Variants in MARCHF1 observed in about 807,000 individuals in gnomAD.
MARCHF1 encodes the protein membrane associated ring-CH-type finger 1.
In MARCHF1, 40 loss-of-function variants were observed where a neutral mutation model predicts 54.2. The observed-to-expected ratio is 0.74, with a 90% confidence interval of 0.57 to 0.96. The LOEUF is 0.96. Ranked by LOEUF, MARCHF1 falls within the 40% of genes least tolerant of loss-of-function variation. MARCHF1 has a pLI of 0.00. For synonymous variants in MARCHF1, 236 were observed against 236.3 expected, an observed-to-expected ratio of 1.00 and a Z score of 0.01; for missense variants, 586 against 656.5, an observed-to-expected ratio of 0.89 and a Z score of 1.17.
chr4:163,571,243 T>G (rs10001689), intron 8 of MARCHF1, among the ~76,000 whole-genome samples: 64,975 of 151,876 alleles, frequency 0.43, 14,206 homozygotes, highest in East Asian at 0.54. Flanking sequence ...CCATACCACT[T>G]TCAAGTCTGT....
At chr4:163,822,407 A>C (rs944770090) in intron 4 of MARCHF1, among the ~76,000 whole-genome samples, 6 of 151,956 alleles carry the variant, frequency 3.9e-5, no homozygotes, top group African/African-American at 1.4e-4. Flanking sequence ...AGAAGTACTA[A>C]ATTTTAAGCC....
At chr4:163,716,355 T>C (rs567132029) in intron 4 of MARCHF1, among the ~76,000 whole-genome samples, 387 of 152,308 alleles carry the variant, frequency 2.5e-3, no homozygotes, top group Non-Finnish European at 4.4e-3. Context: ...GCAAATTGCC[T>C]CCTGAGTATA....
intron 2 of MARCHF1, among the ~76,000 whole-genome samples, chr4:164,033,949 A>C (rs1753936846): frequency 1.3e-5 from 2 of 152,188 alleles, no homozygotes; most frequent in African/African-American, 4.8e-5. Flanking sequence ...AATATAAATC[A>C]TTCTATTATC....
chr4:163,636,460 CAGAG>C (rs1314958662), intron 5 of MARCHF1, among the ~76,000 whole-genome samples: 4 of 146,772 alleles, frequency 2.7e-5, no homozygotes, highest in Non-Finnish European at 6.0e-5. Context: ...AACAGACAAA[CAGAG>C]AGCCAAATCA....
chr4:163,786,678 A>C (rs1000846379), intron 4 of MARCHF1, among the ~76,000 whole-genome samples: 1 of 151,970 alleles, frequency 6.6e-6, no homozygotes, highest in Non-Finnish European at 1.5e-5. Context: ...CAATCCACAG[A>C]TTCAATGCAA....
At chr4:163,822,720 C>A (rs867544983) in intron 4 of MARCHF1, among the ~76,000 whole-genome samples, 11 of 151,956 alleles carry the variant, frequency 7.2e-5, no homozygotes, top group African/African-American at 2.6e-4. Context: ...TATCTTTATG[C>A]TAGAAACATT....
chr4:163,727,104 A>T (rs770600521), intron 4 of MARCHF1, among the ~76,000 whole-genome samples: 8 of 152,170 alleles, frequency 5.3e-5, no homozygotes, highest in Admixed American at 3.3e-4. Context: ...TCTTTCATGA[A>T]TCATGCTTTT....
intron 2 of MARCHF1, among the ~76,000 whole-genome samples, chr4:164,068,669 T>A (rs1431156120): frequency 1.3e-5 from 2 of 152,086 alleles, no homozygotes; most frequent in African/African-American, 4.8e-5. Context: ...AGACTGAGCC[T>A]CCCTGACGAG....
At chr4:163,676,280 G>A (rs1370461442) in intron 5 of MARCHF1, among the ~76,000 whole-genome samples, 1 of 150,556 alleles carries the variant, frequency 6.6e-6, no homozygotes, top group Non-Finnish European at 1.5e-5. Flanking sequence ...TCCCTTGAAC[G>A]CGGGAGGCGG....
intron 7 of MARCHF1, among the ~76,000 whole-genome samples, chr4:163,592,055 G>A (rs1365212537): frequency 1.3e-5 from 2 of 152,018 alleles, no homozygotes; most frequent in Admixed American, 6.6e-5. Flanking sequence ...AGATTTCTAA[G>A]GTTTCCTTAA....
intron 4 of MARCHF1, among the ~76,000 whole-genome samples, chr4:163,787,521 A>T (rs562883812): frequency 5.9e-5 from 9 of 151,930 alleles, no homozygotes; most frequent in Middle Eastern, 3.4e-3. Flanking sequence ...AACCACGGTG[A>T]CATATTATCT....
chr4:163,856,653 T>G (rs1042056863), intron 3 of MARCHF1, among the ~76,000 whole-genome samples: 1 of 152,204 alleles, frequency 6.6e-6, no homozygotes, highest in Non-Finnish European at 1.5e-5. Flanking sequence ...ATAATATGCA[T>G]CTTCTGAGTT....
chr4:164,112,233 T>C (rs913990705), intron 1 of MARCHF1, among the ~76,000 whole-genome samples: 1 of 151,882 alleles, frequency 6.6e-6, no homozygotes, highest in African/African-American at 2.4e-5. Context: ...CCACAAGCCA[T>C]GTACTTCACT....
chr4:163,894,933 T>TATATATATATGCATGTGATGC (rs767436673), intron 3 of MARCHF1, among the ~76,000 whole-genome samples: 128 of 7,080 alleles, frequency 0.018, 55 homozygotes, highest in Admixed American at 0.086. Context: ...ATGTGATGCA[T>TATATATATATGCATGTGATGC]ATATATATAT....
At chr4:164,363,097 A>G (rs1730773687) in intron 1 of MARCHF1, among the ~76,000 whole-genome samples, 1 of 152,132 alleles carries the variant, frequency 6.6e-6, no homozygotes, top group African/African-American at 2.4e-5. Flanking sequence ...CATATGTTCT[A>G]TTCTGTTTCA....
At chr4:163,913,281 A>G (rs1440172832) in intron 3 of MARCHF1, among the ~76,000 whole-genome samples, 1 of 152,038 alleles carries the variant, frequency 6.6e-6, no homozygotes, top group Non-Finnish European at 1.5e-5. Context: ...CAAATTCTCT[A>G]TTTTTGGTGA....
At chr4:163,670,895 C>T (rs1445459727) in intron 5 of MARCHF1, among the ~76,000 whole-genome samples, 3 of 152,086 alleles carry the variant, frequency 2.0e-5, no homozygotes, top group Non-Finnish European at 2.9e-5. Flanking sequence ...TCCTGTAGTG[C>T]CTAGCAATGG....
chr4:164,262,271 C>T (rs1465113938), intron 1 of MARCHF1, among the ~76,000 whole-genome samples: 1 of 152,046 alleles, frequency 6.6e-6, no homozygotes, highest in Non-Finnish European at 1.5e-5. Context: ...GAAAAATATG[C>T]CTCAACCTAT....
intron 3 of MARCHF1, among the ~76,000 whole-genome samples, chr4:163,868,425 C>T (rs1750101338): frequency 6.6e-6 from 1 of 151,716 alleles, no homozygotes; most frequent in Non-Finnish European, 1.5e-5. Context: ...AATGTTGGCA[C>T]CAAACTAGTA....
Sources: allele counts gnomAD v4.1 joint callset (sites outside exome capture counted in the v4.1 genomes callset), GRCh38; gene constraint gnomAD v4.1.1; transcripts MANE v1.5; gene names NCBI Gene and HGNC (gene_info 2026-07-23, HGNC 2026-07-21).